VPS13B: variants seen among roughly 807,000 people sequenced by gnomAD.
VPS13B encodes the protein vacuolar protein sorting 13 homolog B.
In VPS13B, 285 loss-of-function variants were observed where a neutral mutation model predicts 426.4. The observed-to-expected ratio is 0.67, with a 90% CI of 0.61 to 0.74. The LOEUF is 0.74. VPS13B is among the 30% of genes least tolerant of loss of function. The pLI is 0.00. For missense variants in VPS13B, 4,537 were observed against 4,782.6 expected (o/e 0.95, Z 1.51); for synonymous variants, 1,676 against 1,676.4 (o/e 1.00, Z 0.01).
chr8:99,029,070 C>A (rs566392204), intron 2 of VPS13B, among the ~76,000 whole-genome samples: 21 of 149,910 alleles, frequency 1.4e-4, no homozygotes, highest in Middle Eastern at 7.1e-3. Flanking sequence ...ACGGGGCGGC[C>A]GGGCAGAGAC....
chr8:99,862,704 TGCAGA>T (rs1331599204), intron 58 of VPS13B, among the ~76,000 whole-genome samples: 2 of 152,144 alleles, frequency 1.3e-5, no homozygotes, highest in African/African-American at 4.8e-5. Context: ...CCCAAAGCAG[TGCAGA>T]GCAAAGGGTA....
chr8:99,384,406 T>A, intron 20 of VPS13B, 89 bp downstream of exon 20: 3 of 1,077,096 alleles, frequency 2.8e-6, no homozygotes, highest in Non-Finnish European at 4.2e-6. Context: ...TGGATTCTTT[T>A]TTAACAAATG....
intron 35 of VPS13B, among the ~76,000 whole-genome samples, chr8:99,690,893 A>G (rs1831625273): frequency 1.3e-5 from 2 of 152,206 alleles, no homozygotes; most frequent in African/African-American, 4.8e-5. Context: ...GAAAATTAAA[A>G]AGCAAATTTG....
intron 19 of VPS13B, among the ~76,000 whole-genome samples, chr8:99,324,349 A>G (rs143352154): frequency 1.1e-3 from 168 of 152,284 alleles, no homozygotes; most frequent in Middle Eastern, 3.4e-3. Flanking sequence ...CCACTTCTAT[A>G]TTTTGATCCC....
intron 30 of VPS13B, among the ~76,000 whole-genome samples, chr8:99,538,966 A>T (rs1823406847): frequency 1.3e-5 from 2 of 152,238 alleles, no homozygotes; most frequent in Admixed American, 6.5e-5. Context: ...TTATAAAGGA[A>T]GAACTCACAG....
intron 30 of VPS13B, among the ~76,000 whole-genome samples, chr8:99,538,126 A>G (rs975437188): frequency 2.6e-5 from 4 of 152,114 alleles, no homozygotes; most frequent in African/African-American, 7.2e-5. Context: ...CTGTGGGTAT[A>G]TAAAGTTCAA....
At chr8:99,768,763 T>G (rs1811348724) in intron 40 of VPS13B, among the ~76,000 whole-genome samples, 1 of 152,212 alleles carries the variant, frequency 6.6e-6, no homozygotes, top group Admixed American at 6.5e-5. Context: ...TTTACCTGCA[T>G]ATAGTTCAGC....
intron 55 of VPS13B, among the ~76,000 whole-genome samples, chr8:99,849,274 A>C (rs2130903627): frequency 6.6e-6 from 1 of 152,356 alleles, no homozygotes; most frequent in East Asian, 1.9e-4. Flanking sequence ...TCTTAGAGCC[A>C]TATTTTCCAC....
intron 25 of VPS13B, among the ~76,000 whole-genome samples, chr8:99,496,793 A>C (rs1224700535): frequency 1.3e-5 from 2 of 152,154 alleles, no homozygotes; most frequent in Non-Finnish European, 2.9e-5. Flanking sequence ...GGAAACTGTT[A>C]TAACAACATA....
At chr8:99,545,995 A>G (rs747593247) in intron 30 of VPS13B, among the ~76,000 whole-genome samples, 3 of 152,070 alleles carry the variant, frequency 2.0e-5, no homozygotes, top group African/African-American at 7.2e-5. Context: ...AAATTAAGTT[A>G]TTCATATTTT....
intron 15 of VPS13B, among the ~76,000 whole-genome samples, chr8:99,169,664 T>A (rs1179513993): frequency 2.0e-5 from 3 of 151,996 alleles, no homozygotes; most frequent in African/African-American, 7.2e-5. Context: ...TAACATTAAT[T>A]TATAAAATTT....
intron 17 of VPS13B, among the ~76,000 whole-genome samples, chr8:99,256,590 A>T (rs1393139072): frequency 6.6e-6 from 1 of 152,094 alleles, no homozygotes; most frequent in Admixed American, 6.6e-5. Flanking sequence ...AGCCATCCTA[A>T]TGGGTATGAA....
chr8:99,798,213 T>TAA (rs1223062323), intron 43 of VPS13B, among the ~76,000 whole-genome samples: 4 of 136,680 alleles, frequency 2.9e-5, no homozygotes, highest in Non-Finnish European at 6.3e-5. Flanking sequence ...TTTTAAGCAG[T>TAA]AATTGAAATA....
In VPS13B at chr8:99,497,145, T is replaced by C. The variant is rs544861853; in HGVS notation, c.3871-4542T>C. ...TATATATTTCATATATAAATATATATATTTATGTAATATAAAAATATATTT... is the reference window on the plus strand; with the variant it reads ...TATATATTTCATATATAAATATATACATTTATGTAATATAAAAATATATTT... On this transcript the variant is annotated intron_variant, in intron 25 of 61. Coordinates refer to ENST00000357162, the MANE Select transcript of VPS13B (RefSeq NM_152564.5). Among the ~76,000 whole-genome samples the C allele has an allele frequency of 7.9e-5, 11 of 138,962 alleles. 1 individual carries two copies. The East Asian group carries it at 1.8e-3, about 23-fold the overall frequency. 91.2% of individuals were successfully genotyped at this position (138,962 alleles called of 152,430 possible).
chr8:99,327,984 T>C (rs1341196740), intron 19 of VPS13B, among the ~76,000 whole-genome samples: 1 of 152,218 alleles, frequency 6.6e-6, no homozygotes, highest in Non-Finnish European at 1.5e-5. Context: ...ACTTTTAAAG[T>C]AGAAGTCCCC....
At chr8:99,277,424 A>G (rs1818955035) in intron 19 of VPS13B, among the ~76,000 whole-genome samples, 1 of 152,078 alleles carries the variant, frequency 6.6e-6, no homozygotes, top group Admixed American at 6.6e-5. Flanking sequence ...TACTATTTTT[A>G]TGCCAGTTTT....
intron 33 of VPS13B, among the ~76,000 whole-genome samples, chr8:99,580,136 TC>T (rs1367129943): frequency 6.6e-6 from 1 of 151,902 alleles, no homozygotes; most frequent in East Asian, 1.9e-4. Context: ...AACTACTATT[TC>T]ATAGGAATTA....
chr8:99,051,958 C>T (rs1250908301), intron 3 of VPS13B, among the ~76,000 whole-genome samples: 1 of 152,188 alleles, frequency 6.6e-6, no homozygotes, highest in African/African-American at 2.4e-5. Context: ...TCTCGATATA[C>T]AATCATGTCA....
chr8:99,447,631 A>G (rs2133452291), intron 23 of VPS13B, among the ~76,000 whole-genome samples: 1 of 152,132 alleles, frequency 6.6e-6, no homozygotes, highest in Admixed American at 6.5e-5. Context: ...GGCTTTAATT[A>G]TCTTTACTCT....
Sources: allele counts gnomAD v4.1 joint callset (sites outside exome capture counted in the v4.1 genomes callset), GRCh38; gene constraint gnomAD v4.1.1; transcripts MANE v1.5; gene names NCBI Gene and HGNC (gene_info 2026-07-23, HGNC 2026-07-21).